The following NRDC variants were observed in gnomAD, a reference collection of about 807,000 sequenced individuals.
The protein encoded by NRDC is nardilysin convertase.
A neutral mutation model predicts 147.1 loss-of-function variants in NRDC; 54 were observed. The ratio of observed to expected loss-of-function variants is 0.37; its 90% CI spans 0.29 to 0.46. NRDC has a LOEUF of 0.46. NRDC is among the 20% of genes least tolerant of loss of function. The pLI is 1.00. For missense variants in NRDC, 1,082 were observed against 1,370.6 expected, an observed-to-expected ratio of 0.79 and a Z score of 3.33; for synonymous variants, 440 against 482.1, an observed-to-expected ratio of 0.91 and a Z score of 1.14.
chr1:51,845,626 G>A (rs189826707), intron 1 of NRDC, among the ~76,000 whole-genome samples: 1 of 152,156 alleles, frequency 6.6e-6, no homozygotes, highest in South Asian at 2.1e-4. Context: ...GAAATGTCCC[G>A]TTTTCAGAAA....
chr1:51,871,515 T>TAAAAAA lies in NRDC; in HGVS notation c.341+6754_341+6759dup, dbSNP rs60495773. Among the ~76,000 whole-genome samples the TAAAAAA allele has an allele frequency of 9.0e-4, 19 of 21,018 alleles. 1 individual carries two copies. Among genetic ancestry groups the TAAAAAA allele is most frequent in the South Asian group, 2.1e-3 (1 of 482 alleles). The allele number at this position is 21,018 out of a possible 152,430, so 13.8% of individuals were successfully genotyped here. On this transcript the variant is annotated intron_variant, in intron 1 of 30. Transcript: ENST00000352171. ...CAAGAATTCTCCTCCACTGGTTCAT[T>TAAAAAA]AAAAAAAAAAAAAAAAAAAAAAAAA...
chr1:51,878,210 G>A (rs1683427374), intron 1 of NRDC, 65 bp downstream of exon 1: 2 of 1,517,580 alleles, frequency 1.3e-6, no homozygotes, highest in Non-Finnish European at 1.8e-6. Context: ...GACAAGAAGT[G>A]ACGGCGGCAC....
chr1:51,853,522 G>A (rs1347349898), intron 1 of NRDC, among the ~76,000 whole-genome samples: 5 of 152,174 alleles, frequency 3.3e-5, no homozygotes, highest in South Asian at 2.1e-4. Context: ...AGATGGATGC[G>A]GGTTATTTCT....
intron 2 of NRDC, 181 bp downstream of exon 2, chr1:51,840,045 C>T (rs1469406873): frequency 2.8e-5 from 14 of 508,394 alleles, no homozygotes; most frequent in Middle Eastern, 5.1e-4. Flanking sequence ...ATATAATGAG[C>T]ATTTACTACT....
At chr1:51,854,758 TAAC>T (rs549306457) in intron 1 of NRDC, among the ~76,000 whole-genome samples, 39 of 152,308 alleles carry the variant, frequency 2.6e-4, no homozygotes, top group South Asian at 1.9e-3. Flanking sequence ...ACCCCATCTC[TAAC>T]AACAACAAAA....
At chr1:51,829,960 T>C (rs1166583881) in intron 4 of NRDC, among the ~76,000 whole-genome samples, 1 of 149,716 alleles carries the variant, frequency 6.7e-6, no homozygotes, top group African/African-American at 2.5e-5. Context: ...ATTTGTCTTT[T>C]ATTTCTTTTT....
chr1:51,814,932 G>A (rs966034142), intron 11 of NRDC, 119 bp from the exon 12 acceptor site: 2 of 1,095,288 alleles, frequency 1.8e-6, no homozygotes, highest in East Asian at 2.7e-5. Context: ...GCCTTTGAAT[G>A]TAAACATATA....
chr1:51,814,119 T>C (rs1428560399), intron 13 of NRDC, 30 bp from the exon 14 acceptor site: 3 of 1,434,118 alleles, frequency 2.1e-6, no homozygotes, highest in South Asian at 1.2e-5. Context: ...AATTAGAAGA[T>C]ACATTAAAAT....
intron 6 of NRDC, among the ~76,000 whole-genome samples, chr1:51,825,054 G>T (rs1315646985): frequency 6.6e-6 from 1 of 152,160 alleles, no homozygotes; most frequent in East Asian, 1.9e-4. Flanking sequence ...CACAGTATCT[G>T]GCACTTAAAA....
In NRDC at chr1:51,806,131, C is replaced by T. The variant is rs190182407; in HGVS notation, c.2111-570G>A. Among the ~76,000 whole-genome samples, 5 of 151,884 alleles carry T rather than the reference C, an allele frequency of 3.3e-5. No individual in the cohort carries two copies. The East Asian group carries it at 5.8e-4, about 18-fold the overall frequency. On this transcript the variant is annotated intron_variant, in intron 18 of 30. Transcript: ENST00000352171. The stretch of plus-strand genomic sequence containing the variant: ...CCTTATGCCATGTTCAAGAACAGAA[C>T]GGTAAAAAGCAGCACACTTAGGGCC...
In NRDC at chr1:51,827,842, T is replaced by C. The variant is rs376532475; in HGVS notation, c.894A>G (p.Leu298=). 1.4e-5 allele frequency: 23 copies of C among 1,613,818 alleles called. No homozygotes were observed. The highest frequency in any genetic ancestry group is 1.5e-5 in the Non-Finnish European group (18 of 1,179,900). The part of the protein sequence containing the change: ...DRWAQFFIHP[L]MIRDAIDREV... ...CACGGTCAATTGCATCTCTGATCATTAGTGGGTGGATGAAGAACTGCGCCC... is the reference window on the plus strand; with the variant it reads ...CACGGTCAATTGCATCTCTGATCATCAGTGGGTGGATGAAGAACTGCGCCC... Residue 298 remains leucine, a synonymous_variant, in exon 5 of 31, where the codon CTA becomes CTG. Transcript: ENST00000352171.
intron 4 of NRDC, among the ~76,000 whole-genome samples, chr1:51,829,405 T>C (rs1328040614): frequency 1.3e-5 from 2 of 152,248 alleles, no homozygotes; most frequent in African/African-American, 4.8e-5. Context: ...TAGTTATTAG[T>C]TGGTAGTTAT....
At chr1:51,792,156 T>C in intron 25 of NRDC, 58 bp from the exon 26 acceptor site, 1 of 1,604,474 alleles carries the variant, frequency 6.2e-7, no homozygotes, top group Non-Finnish European at 8.5e-7. Context: ...AACCTCCATT[T>C]CTCTCCCCAG....
chr1:51,817,073 A>G (rs530682467), intron 10 of NRDC, among the ~76,000 whole-genome samples: 6 of 152,344 alleles, frequency 3.9e-5, no homozygotes, highest in African/African-American at 1.4e-4. Context: ...ACAAAGACAT[A>G]CAGAAAAAAA....
chr1:51,798,171 C>G, intron 22 of NRDC, 78 bp downstream of exon 22: 1 of 1,431,938 alleles, frequency 7.0e-7, no homozygotes, highest in Non-Finnish European at 9.7e-7. Context: ...CTACAGCTTC[C>G]CCTTTAGGAA....
chr1:51,790,810 G>T, intron 28 of NRDC, 90 bp downstream of exon 28: 1 of 1,132,844 alleles, frequency 8.8e-7, no homozygotes, highest in Non-Finnish European at 1.3e-6. Context: ...GGGCTGCAAA[G>T]CTCAAAAACT....
Position 51,838,123 on chromosome 1 carries a change from C to T in NRDC, c.631-1911G>A, listed in dbSNP as rs929307972. On this transcript the variant is annotated intron_variant, in intron 2 of 30. Transcript: ENST00000352171. ...TTGCTTCTGAATCAAAACAATTTCTCGTCTTCAAACTACTTAGGTTCCACT... is the reference window on the plus strand; with the variant it reads ...TTGCTTCTGAATCAAAACAATTTCTTGTCTTCAAACTACTTAGGTTCCACT... 4.6e-5 allele frequency among the ~76,000 whole-genome samples: 7 copies of T among 152,120 alleles called. No homozygotes were observed. The South Asian group carries it at 8.3e-4, about 18-fold the overall frequency.
chr1:51,878,371 C>A lies in NRDC; in HGVS notation c.245G>T (p.Gly82Val), dbSNP rs1298664680. Residue 82 changes from glycine to valine, a missense_variant, in exon 1 of 31, where the codon GGA becomes GTA. This residue lies in a region of NRDC where 260 missense variants were observed against 253.2 expected (regional missense o/e 1.03). Transcript: ENST00000352171. Reference protein sequence around the residue: ...LGENSRVARLGADESEEEGRR... With the variant: ...LGENSRVARLVADESEEEGRR... ...TCCCTCTTCCTCAGATTCATCCGCTCCTAGACGGGCAACCCGGCTGTTCTC... is the reference window on the plus strand; with the variant it reads ...TCCCTCTTCCTCAGATTCATCCGCTACTAGACGGGCAACCCGGCTGTTCTC... 3 of 1,614,074 alleles carry A rather than the reference C, an allele frequency of 1.9e-6. No homozygotes were observed. The highest frequency in any genetic ancestry group is 2.5e-6 in the Non-Finnish European group (3 of 1,180,054).
intron 1 of NRDC, among the ~76,000 whole-genome samples, chr1:51,860,984 C>T (rs1429582398): frequency 6.8e-6 from 1 of 146,962 alleles, no homozygotes; most frequent in African/African-American, 2.5e-5. Flanking sequence ...GAGTCTCGAT[C>T]TGTCACCCAA....
Sources: allele counts gnomAD v4.1 joint callset (sites outside exome capture counted in the v4.1 genomes callset), GRCh38; gene constraint gnomAD v4.1.1; regional missense constraint gnomAD v4.1.1; transcripts MANE v1.5; gene names NCBI Gene and HGNC (gene_info 2026-07-23, HGNC 2026-07-21).